ARID1A: variants seen among roughly 807,000 people sequenced by gnomAD.
The protein encoded by ARID1A is AT-rich interactive domain-containing protein 1A.
ARID1A carries 20 observed loss-of-function variants against 212.6 expected under a neutral mutation model. The observed-to-expected ratio is 0.09, with a 90% CI of 0.07 to 0.14. ARID1A has a LOEUF of 0.14. ARID1A is among the 10% of genes least tolerant of loss of function. The pLI is 1.00. For missense variants in ARID1A, 2,587 were observed against 3,059.0 expected, an observed-to-expected ratio of 0.85 and a Z score of 3.64; for synonymous variants, 1,376 against 1,222.1, an observed-to-expected ratio of 1.13 and a Z score of -2.63.
chr1:26,716,663 C>T (rs12566826), intron 1 of ARID1A, among the ~76,000 whole-genome samples: 6 of 152,110 alleles, frequency 3.9e-5, no homozygotes, highest in Admixed American at 6.6e-5. Context: ...TGGAGTCTTA[C>T]TCTGTCACTC....
intron 4 of ARID1A, among the ~76,000 whole-genome samples, chr1:26,733,397 AG>A (rs2080699072): frequency 6.6e-6 from 1 of 152,200 alleles, no homozygotes; most frequent in African/African-American, 2.4e-5. Context: ...CTCTAGAGCC[AG>A]AGTTCCTGGC....
rs755606683 is a variant in ARID1A at position 26,763,247 on chromosome 1, T to C, written c.2694T>C (p.Ala898=). 10 of 1,612,552 alleles carry C rather than the reference T, an allele frequency of 6.2e-6. No homozygotes were observed. The South Asian group carries it at 8.8e-5, about 14-fold the overall frequency. ...GGMNRKTQET[A]VAMHVAANSI... The stretch of plus-strand genomic sequence containing the variant: ...TGAACCGGAAAACCCAAGAAACTGC[T>C]GTCGCCATGCATGTTGCTGCCAACT... Residue 898 remains alanine, a synonymous_variant, in exon 8 of 20, where the codon GCT becomes GCC. Coordinates refer to ENST00000324856, the MANE Select transcript of ARID1A (RefSeq NM_006015.6).
At chr1:26,744,166 G>A (rs965298856) in intron 4 of ARID1A, among the ~76,000 whole-genome samples, 10 of 152,120 alleles carry the variant, frequency 6.6e-5, no homozygotes, top group African/African-American at 2.2e-4. Flanking sequence ...CTGGTTCTCT[G>A]GGCTGGACTG....
chr1:26,719,201 C>T (rs1040394081), intron 1 of ARID1A, among the ~76,000 whole-genome samples: 4 of 152,116 alleles, frequency 2.6e-5, no homozygotes, highest in African/African-American at 9.7e-5. Context: ...TCTCTGCCTA[C>T]CTGAAATTTA....
Position 26,761,437 on chromosome 1 carries a change from C to T in ARID1A, c.2215C>T (p.Pro739Ser), listed in dbSNP as rs1351664579. ...TGGCCAGTCGGACAGCATCATGCAT[C>T]CTTCCATGAACCAATCAAGCATTGC... ...PSGQSDSIMH[P>S]SMNQSSIAQD... The change falls in exon 6 of 20, where the codon CCT becomes TCT. Residue 739 changes from proline to serine, a missense_variant. Physicochemically the swap from Pro to Ser is moderately conservative, Grantham distance 74. Transcript: ENST00000324856. 1.2e-6 allele frequency: 2 copies of T among 1,614,074 alleles called. No homozygotes were observed. Among genetic ancestry groups the T allele is most frequent in the African/African-American group, 1.3e-5 (1 of 74,912 alleles).
intron 1 of ARID1A, among the ~76,000 whole-genome samples, chr1:26,699,217 A>T (rs1351461521): frequency 6.6e-6 from 1 of 152,182 alleles, no homozygotes; most frequent in Non-Finnish European, 1.5e-5. Flanking sequence ...ACCTAGAATG[A>T]CACTTAAGAT....
At chr1:26,700,126 T>G (rs914751395) in intron 1 of ARID1A, among the ~76,000 whole-genome samples, 2 of 152,226 alleles carry the variant, frequency 1.3e-5, no homozygotes, top group African/African-American at 2.4e-5. Flanking sequence ...CTTCCACTTC[T>G]GTGGACTGCT....
chr1:26,716,857 C>A (rs752415380), intron 1 of ARID1A, among the ~76,000 whole-genome samples: 1 of 152,142 alleles, frequency 6.6e-6, no homozygotes, highest in Non-Finnish European at 1.5e-5. Flanking sequence ...AACTCCTGAT[C>A]TCAGGTGATC....
rs2081179305 is a variant in ARID1A, at chr1:26,780,327, C to T, written c.6429C>T (p.Arg2143=). 6.2e-7 allele frequency: 1 copy of T among 1,614,220 alleles called. No individual in the cohort carries two copies. The highest frequency in any genetic ancestry group is 8.5e-7 in the Non-Finnish European group (1 of 1,180,030). ...TTCTGGCCACACCCCCCTTCAGCCG[C>T]CTGGAGAAGTTGTATAGCACTATGG... ...DLILATPPFS[R]LEKLYSTMVR... Residue 2143 remains arginine (R), a synonymous_variant, in exon 20 of 20, where the codon CGC becomes CGT. Transcript: ENST00000324856. This position sits in a 1 kb window ranked among gnomAD's most constrained non-coding sequence, Gnocchi z 7.2.
intron 1 of ARID1A, among the ~76,000 whole-genome samples, chr1:26,703,363 T>A (rs1211548064): frequency 6.6e-6 from 1 of 152,216 alleles, no homozygotes; most frequent in East Asian, 1.9e-4. Flanking sequence ...GTGGTCCTCT[T>A]CTTTGGTAGC....
chr1:26,698,114 C>T (rs1043248994), intron 1 of ARID1A, among the ~76,000 whole-genome samples: 1 of 152,228 alleles, frequency 6.6e-6, no homozygotes, highest in Non-Finnish European at 1.5e-5. Context: ...GTCTTAGGCT[C>T]CGCCGGCCCA....
intron 19 of ARID1A, chr1:26,775,981 C>T: frequency 3.6e-6 from 2 of 551,274 alleles, no homozygotes; most frequent in East Asian, 4.0e-5. Context: ...TCAATCGATG[C>T]CAGTGGGGAC....
chr1:26,765,996 C>A, intron 8 of ARID1A: 1 of 530,196 alleles, frequency 1.9e-6, no homozygotes, highest in Non-Finnish European at 3.3e-6. Flanking sequence ...AAGCTATGAT[C>A]ACACCACTGC....
chr1:26,697,782 T>C (rs1304346920), intron 1 of ARID1A, among the ~76,000 whole-genome samples: 1 of 133,480 alleles, frequency 7.5e-6, no homozygotes, highest in Admixed American at 8.6e-5. Context: ...TCTCCCCTGG[T>C]CCCTTCGAAC....
chr1:26,727,192 G>A (rs2080627310), intron 1 of ARID1A, among the ~76,000 whole-genome samples: 1 of 152,198 alleles, frequency 6.6e-6, no homozygotes, highest in Non-Finnish European at 1.5e-5. Context: ...ATGTGTTCAA[G>A]GTAGGATGGT....
chr1:26,767,605 T>C (rs1162447768), intron 10 of ARID1A, among the ~76,000 whole-genome samples, 185 bp from the exon 11 acceptor site: 1 of 152,228 alleles, frequency 6.6e-6, no homozygotes, highest in Non-Finnish European at 1.5e-5. Flanking sequence ...GTTAGCTTCC[T>C]TCCTTTATAG....
intron 4 of ARID1A, among the ~76,000 whole-genome samples, chr1:26,736,124 A>G (rs1421946670): frequency 2.0e-5 from 3 of 151,740 alleles, no homozygotes; most frequent in African/African-American, 7.3e-5. Flanking sequence ...GGAGATCGAG[A>G]CCATCCTGGC....
In ARID1A at chr1:26,763,055, C is replaced by T. The variant is rs755974819; in HGVS notation, c.2502C>T (p.Pro834=). The part of the protein sequence containing the change: ...PSAGMAGGIN[P]MGAGGQMHGQ... ...CAGGCATGGCTGGAGGCATAAACCC[C>T]ATGGGTGCCGGAGGTCAAATGCATG... The change falls in exon 8 of 20, where the codon CCC becomes CCT. Residue 834 remains proline, a synonymous_variant. Coordinates refer to ENST00000324856, the MANE Select transcript of ARID1A (RefSeq NM_006015.6). 1 of 1,614,236 alleles carries T rather than the reference C, an allele frequency of 6.2e-7. No homozygotes were observed. Among genetic ancestry groups the T allele is most frequent in the Admixed American group, 1.7e-5 (1 of 60,034 alleles).
At chr1:26,721,759 C>G (rs2080567292) in intron 1 of ARID1A, among the ~76,000 whole-genome samples, 1 of 152,160 alleles carries the variant, frequency 6.6e-6, no homozygotes, top group African/African-American at 2.4e-5. Context: ...TAGTTTGATG[C>G]TGTAGCTGCT....
Sources: gnomAD v4.1 joint callset for allele counts (sites outside exome capture counted in the v4.1 genomes callset) on GRCh38, gnomAD v4.1.1 for gene constraint, Gnocchi (gnomAD v3.1) non-coding constraint, MANE v1.5 for transcripts, NCBI Gene and HGNC (gene_info 2026-07-23, HGNC 2026-07-21) for gene names.